PTPRN2: variants seen among roughly 807,000 people sequenced by gnomAD.
The protein encoded by PTPRN2 is receptor-type tyrosine-protein phosphatase N2.
Under a neutral mutation model 118.8 loss-of-function variants are expected in PTPRN2, and 74 were observed. The observed-to-expected ratio is 0.62, with a 90% CI of 0.52 to 0.76. The LOEUF (loss-of-function observed/expected upper bound fraction) is 0.76. Ranked by LOEUF, PTPRN2 falls within the 30% of genes least tolerant of loss-of-function variation. The pLI is 0.00. For synonymous variants in PTPRN2, 641 were observed against 608.0 expected (o/e 1.05, Z -0.80); for missense variants, 1,481 against 1,394.4 (o/e 1.06, Z -0.99).
chr7:158,336,556 C>A (rs1353173788), intron 2 of PTPRN2, among the ~76,000 whole-genome samples: 4 of 146,220 alleles, frequency 2.7e-5, no homozygotes, highest in Admixed American at 2.7e-4. Context: ...CACTCACACC[C>A]ACACTCACCA....
intron 10 of PTPRN2, among the ~76,000 whole-genome samples, chr7:158,084,840 C>A (rs1487566510): frequency 6.8e-6 from 1 of 146,506 alleles, no homozygotes; most frequent in African/African-American, 2.5e-5. Context: ...TCCACACCCA[C>A]GATGCCCATC....
rs771570247 is a variant in PTPRN2, at chr7:157,578,133, C to G, written c.2504G>C (p.Trp835Ser). Reference protein sequence around the residue: ...ATVADFWQMVWESGCVVIVML... With the variant: ...ATVADFWQMVSESGCVVIVML... ...GACGATCACCACGCAGCCGCTCTCCCACACCATCTGCGGACAAAGAAGGCC... is the reference window on the plus strand; with the variant it reads ...GACGATCACCACGCAGCCGCTCTCCGACACCATCTGCGGACAAAGAAGGCC... The change falls in exon 18 of 23, where the codon TGG becomes TCG. Residue 835 changes from tryptophan (W) to serine (S), a missense_variant. Transcript: ENST00000389418. 2.1e-5 allele frequency: 34 copies of G among 1,609,144 alleles called. No individual in the cohort carries two copies.
chr7:158,277,391 G>A (rs1351749564), intron 3 of PTPRN2, among the ~76,000 whole-genome samples: 1 of 152,182 alleles, frequency 6.6e-6, no homozygotes, highest in African/African-American at 2.4e-5. Flanking sequence ...TGCTCCAGAC[G>A]GAGGAGGCCG....
rs182535576 is a variant in PTPRN2, at chr7:157,990,869, C to T, written c.1723+90429G>A. On this transcript the variant is annotated intron_variant, in intron 11 of 22. Transcript: ENST00000389418. This position sits in a 1 kb window ranked among gnomAD's most constrained non-coding sequence, Gnocchi z 4.3. ...CAGTCCCAGCGCTTACCGAGGAGGA[C>T]TGGGGAGGGGGGCCGAGTCTCCAGT... Among the ~76,000 whole-genome samples, 523 of 152,264 alleles carry T rather than the reference C, an allele frequency of 3.4e-3. 1 individual carries two copies. Among genetic ancestry groups the T allele is most frequent in the African/African-American group, 0.012 (489 of 41,564 alleles).
intron 11 of PTPRN2, among the ~76,000 whole-genome samples, chr7:157,950,672 C>T (rs2117516): frequency 0.13 from 19,950 of 152,194 alleles, 1,415 homozygotes; most frequent in Non-Finnish European, 0.15. Flanking sequence ...GCTGTGCAGC[C>T]GCCTCACCCA....
intron 11 of PTPRN2, among the ~76,000 whole-genome samples, chr7:158,062,428 G>A (rs984338381): frequency 3.9e-5 from 6 of 152,206 alleles, no homozygotes; most frequent in Non-Finnish European, 7.3e-5. Flanking sequence ...TGCAGCCCTC[G>A]CTCACTCTCA....
intron 2 of PTPRN2, among the ~76,000 whole-genome samples, chr7:158,370,321 A>G (rs1464835650): frequency 6.6e-6 from 1 of 152,208 alleles, no homozygotes; most frequent in Non-Finnish European, 1.5e-5. Context: ...CTGTAGTCCC[A>G]GTTACTCGAG....
chr7:158,459,462 G>A (rs948762860), intron 2 of PTPRN2, among the ~76,000 whole-genome samples: 4 of 152,150 alleles, frequency 2.6e-5, no homozygotes, highest in Non-Finnish European at 5.9e-5. Context: ...GGGCTCCAGG[G>A]GCCCGCAAAA....
At chr7:157,994,679 CCGCG>C (rs1804561138) in intron 11 of PTPRN2, among the ~76,000 whole-genome samples, 1 of 136,606 alleles carries the variant, frequency 7.3e-6, no homozygotes, top group African/African-American at 2.8e-5. Context: ...AAAATCAACG[CCGCG>C]TCCCCAGCTT....
rs904151153 is a variant in PTPRN2 at position 157,869,035 on chromosome 7, G to A, written c.1788+29638C>T. ...ACTTCCCAATGTCCCGAAACACCCT[G>A]ACACGTGTAATTCCAAATCTGTAAG... On this transcript the variant is annotated intron_variant, in intron 12 of 22. Coordinates refer to ENST00000389418, the MANE Select transcript of PTPRN2 (RefSeq NM_002847.5). This position sits in a 1 kb window ranked among gnomAD's most constrained non-coding sequence, Gnocchi z 4.2. The A allele has an allele frequency of 1.3e-5, 2 of 152,230 alleles. No individual in the cohort carries two copies. Among genetic ancestry groups the A allele is most frequent in the African/African-American group, 4.8e-5 (2 of 41,462 alleles). The allele number at this position is 152,230 out of a possible 1,614,324, so 9.4% of individuals were successfully genotyped here. A position where few individuals can be genotyped will look rare whatever the true frequency, so the allele number is the denominator to read the frequency against.
chr7:157,842,410 CTTTTTTTTTTT>C (rs11316558), intron 12 of PTPRN2, among the ~76,000 whole-genome samples: 2,994 of 93,364 alleles, frequency 0.032, 107 homozygotes, highest in African/African-American at 0.096. Context: ...ATTCAGGAGA[CTTTTTTTTTTT>C]TTTTTTTTTT....
intron 2 of PTPRN2, among the ~76,000 whole-genome samples, chr7:158,383,587 T>C (rs1054269050): frequency 1.3e-5 from 2 of 150,646 alleles, no homozygotes; most frequent in Non-Finnish European, 2.9e-5. Context: ...TTTAAAATTA[T>C]CCAGCTTTAC....
intron 1 of PTPRN2, among the ~76,000 whole-genome samples, chr7:158,499,344 G>C (rs947864028): frequency 9.2e-5 from 14 of 152,204 alleles, no homozygotes; most frequent in African/African-American, 2.9e-4. Flanking sequence ...ACACTGAGAA[G>C]CAAGGGCATC....
intron 21 of PTPRN2, among the ~76,000 whole-genome samples, chr7:157,556,741 C>T (rs1422450718): frequency 6.6e-6 from 1 of 151,426 alleles, no homozygotes; most frequent in Non-Finnish European, 1.5e-5. Flanking sequence ...TACACTCACA[C>T]CCCACACTCA....
chr7:158,019,968 C>A (rs1333961321), intron 11 of PTPRN2, among the ~76,000 whole-genome samples: 1 of 152,240 alleles, frequency 6.6e-6, no homozygotes, highest in Non-Finnish European at 1.5e-5. Flanking sequence ...CAGGTCCAGC[C>A]ATTGGCCGCG....
chr7:157,971,650 T>G (rs531018134), intron 11 of PTPRN2, among the ~76,000 whole-genome samples: 1 of 151,944 alleles, frequency 6.6e-6, no homozygotes, highest in Admixed American at 6.5e-5. Flanking sequence ...TTGCACACTT[T>G]GATTAAGACA....
At position 157,561,582 on chromosome 7, in the gene PTPRN2, G is replaced by A. The variant is rs150744065; in HGVS notation, c.2902+7320C>T. Among the ~76,000 whole-genome samples the A allele has an allele frequency of 2.2e-4, 34 of 152,366 alleles. No individual in the cohort carries two copies. In the East Asian group the frequency reaches 3.7e-3, roughly 16 times the overall value. Reference sequence around the variant, plus strand: ...GTTCTGCATCTGACTCTGGCTGACCGGAGGCCTTGAGGCAAGTCACCCAAC... The same window carrying A: ...GTTCTGCATCTGACTCTGGCTGACCAGAGGCCTTGAGGCAAGTCACCCAAC... On this transcript the variant is annotated intron_variant, in intron 21 of 22. Coordinates refer to ENST00000389418, the MANE Select transcript of PTPRN2 (RefSeq NM_002847.5).
At chr7:157,994,299 A>G (rs1304780416) in intron 11 of PTPRN2, among the ~76,000 whole-genome samples, 2 of 152,202 alleles carry the variant, frequency 1.3e-5, no homozygotes, top group African/African-American at 4.8e-5. Flanking sequence ...GAAGCAGCAC[A>G]GCAAAGTTTC....
At chr7:157,604,181 C>A in intron 15 of PTPRN2, 106 bp from the exon 16 acceptor site, 1 of 982,438 alleles carries the variant, frequency 1.0e-6, no homozygotes, top group Non-Finnish European at 1.6e-6. Flanking sequence ...GGACCCCTGC[C>A]CAGCCTCCAG....
Sources: allele counts gnomAD v4.1 joint callset (sites outside exome capture counted in the v4.1 genomes callset), GRCh38; gene constraint gnomAD v4.1.1; non-coding constraint Gnocchi (gnomAD v3.1); transcripts MANE v1.5; gene names NCBI Gene and HGNC (gene_info 2026-07-23, HGNC 2026-07-21).